DBF4: variants seen among roughly 807,000 people sequenced by gnomAD.
The protein encoded by DBF4 is protein DBF4 homolog A.
Under a neutral mutation model 76.6 loss-of-function variants are expected in DBF4, and 25 were observed. That is an observed-to-expected ratio of 0.33 (90% confidence interval 0.24 to 0.46). DBF4 has a LOEUF of 0.46. Ranked by LOEUF, DBF4 falls within the 20% of genes least tolerant of loss-of-function variation. The pLI is 1.00. For missense variants in DBF4, 638 were observed against 760.8 expected, an observed-to-expected ratio of 0.84 and a Z score of 1.90; for synonymous variants, 213 against 258.0, an observed-to-expected ratio of 0.83 and a Z score of 1.67.
rs946973581 is a variant in DBF4 at position 87,909,098 on chromosome 7, C to A, written c.*935C>A. The A allele has an allele frequency of 6.6e-6, 1 of 151,882 alleles. No homozygotes were observed. The highest frequency in any genetic ancestry group is 6.6e-5 in the Admixed American group (1 of 15,256). 9.4% of individuals were successfully genotyped at this position (151,882 alleles called of 1,614,324 possible). ...CTCAAAAAAAAAAAAGTTGACTCTA[C>A]CCCCTAATTTGGTAGGAGATGAAGG... On this transcript the variant is annotated 3_prime_UTR_variant, in exon 12 of 12. Transcript: ENST00000265728.
At chr7:87,880,365 T>C (rs1839181640) in intron 2 of DBF4, among the ~76,000 whole-genome samples, 1 of 152,236 alleles carries the variant, frequency 6.6e-6, no homozygotes, top group African/African-American at 2.4e-5. Flanking sequence ...TAGGAGCATA[T>C]TAAGGGTGTA....
At chr7:87,894,679 A>G (rs1839586987) in intron 6 of DBF4, among the ~76,000 whole-genome samples, 1 of 152,212 alleles carries the variant, frequency 6.6e-6, no homozygotes, top group Non-Finnish European at 1.5e-5. Context: ...TTTACTGGAA[A>G]AAGAATCATG....
intron 10 of DBF4, among the ~76,000 whole-genome samples, chr7:87,903,448 A>G (rs970009991): frequency 6.6e-6 from 1 of 152,182 alleles, no homozygotes; most frequent in African/African-American, 2.4e-5. Flanking sequence ...AATTGAGATC[A>G]TTTGTTTTGG....
intron 2 of DBF4, among the ~76,000 whole-genome samples, chr7:87,882,142 C>G (rs1839230921): frequency 6.6e-6 from 1 of 152,000 alleles, no homozygotes; most frequent in Admixed American, 6.6e-5. Context: ...ACATACAGAC[C>G]AATAGAGTAG....
At position 87,907,610 on chromosome 7, in the gene DBF4, A is replaced by C. The variant is rs1839942598; in HGVS notation, c.1472A>C (p.His491Pro). ...HYKCNIQASV[H>P]VSDFSTDNSG... ...AAATGTAACATACAGGCATCTGTACATGTTTCTGATTTCAGTACAGATAAT... is the reference window on the plus strand; with the variant it reads ...AAATGTAACATACAGGCATCTGTACCTGTTTCTGATTTCAGTACAGATAAT... The change falls in exon 12 of 12, where the codon CAT (histidine) becomes CCT (proline). Residue 491 changes from histidine (H) to proline (P), a missense_variant. By Grantham distance (77) the His-to-Pro change is moderately conservative. Transcript: ENST00000265728. 1.2e-6 allele frequency: 2 copies of C among 1,614,096 alleles called. No homozygotes were observed. Among genetic ancestry groups the C allele is most frequent in the Non-Finnish European group, 1.7e-6 (2 of 1,179,946 alleles).
chr7:87,879,798 C>A (rs572165620), intron 2 of DBF4, among the ~76,000 whole-genome samples: 4 of 152,120 alleles, frequency 2.6e-5, no homozygotes, highest in Non-Finnish European at 4.4e-5. Context: ...CTGAAAAATA[C>A]AAAAATTAGC....
At chr7:87,880,004 C>A in intron 2 of DBF4, among the ~76,000 whole-genome samples, 1 of 149,988 alleles carries the variant, frequency 6.7e-6, no homozygotes, top group Non-Finnish European at 1.5e-5. Flanking sequence ...AGTTTGATGA[C>A]AATTTTCTCA....
At chr7:87,896,742 T>C (rs894593470) in intron 7 of DBF4, among the ~76,000 whole-genome samples, 2 of 152,240 alleles carry the variant, frequency 1.3e-5, no homozygotes, top group African/African-American at 4.8e-5. Context: ...AAATGAATTA[T>C]ATTAAAATGT....
intron 6 of DBF4, among the ~76,000 whole-genome samples, chr7:87,890,106 A>T (rs1584360038): frequency 6.6e-6 from 1 of 152,224 alleles, no homozygotes; most frequent in Non-Finnish European, 1.5e-5. Context: ...TATCTGAAAT[A>T]AGTTTCATAG....
At chr7:87,903,976 A>G (rs1360301249) in intron 10 of DBF4, among the ~76,000 whole-genome samples, 2 of 152,130 alleles carry the variant, frequency 1.3e-5, no homozygotes, top group African/African-American at 2.4e-5. Context: ...GATTACAGGC[A>G]TGAGCCACTG....
At chr7:87,896,212 T>G (rs1839634832) in intron 6 of DBF4, 2 of 335,920 alleles carry the variant, frequency 6.0e-6, no homozygotes, top group Non-Finnish European at 1.1e-5. Context: ...AATATGACTT[T>G]TAAAAAAACA....
chr7:87,904,967 T>C (rs1839882769), intron 11 of DBF4, among the ~76,000 whole-genome samples: 1 of 152,202 alleles, frequency 6.6e-6, no homozygotes, highest in African/African-American at 2.4e-5. Flanking sequence ...TTTTGTTTTA[T>C]TTTGAGACAG....
chr7:87,887,856 T>C (rs1489462528), intron 5 of DBF4, 127 bp from the exon 6 acceptor site: 3 of 941,332 alleles, frequency 3.2e-6, no homozygotes, highest in Non-Finnish European at 4.5e-6. Flanking sequence ...GAGACAAACA[T>C]TCAGACCATA....
rs917381774 is a variant in DBF4 at position 87,896,333 on chromosome 7, G to GT, written c.598-133dup. ...TATTGTAAAACATTTAAAAACAATA[G>GT]TTTTTTTTAACAAAGAATAATCCTT... On this transcript the variant is annotated intron_variant, in intron 6 of 11. Transcript: ENST00000265728. 112 of 655,328 alleles carry GT rather than the reference G, an allele frequency of 1.7e-4. 1 individual carries two copies. The Middle Eastern group carries it at 2.2e-3, about 13-fold the overall frequency. The allele number at this position is 655,328 out of a possible 1,614,324, so 40.6% of individuals were successfully genotyped here.
At chr7:87,881,473 A>G (rs1190904551) in intron 2 of DBF4, among the ~76,000 whole-genome samples, 2 of 152,230 alleles carry the variant, frequency 1.3e-5, no homozygotes, top group Non-Finnish European at 2.9e-5. Flanking sequence ...ACCTAGCTAG[A>G]GATGACATTG....
intron 6 of DBF4, among the ~76,000 whole-genome samples, chr7:87,890,865 A>T: frequency 6.6e-6 from 1 of 152,342 alleles, no homozygotes; most frequent in Non-Finnish European, 1.5e-5. Context: ...TAAAATAAAA[A>T]TGATAATAAT....
At position 87,878,049 on chromosome 7, in the gene DBF4, A is replaced by G. The variant is rs552012123; in HGVS notation, c.47-4A>G. 1.9e-6 allele frequency: 3 copies of G among 1,586,052 alleles called. No individual in the cohort carries two copies. The highest frequency in any genetic ancestry group is 2.6e-6 in the Non-Finnish European group (3 of 1,169,004). Reference sequence around the variant, plus strand: ...AAACATCTGATTCTAAACATCTTTAATAGGTGGAATCCAAGTCAAAAATGA... The same window carrying G: ...AAACATCTGATTCTAAACATCTTTAGTAGGTGGAATCCAAGTCAAAAATGA... On this transcript the variant is annotated splice_polypyrimidine_tract_variant and splice_region_variant and intron_variant, in intron 1 of 11. Transcript: ENST00000265728.
At chr7:87,896,267 CAA>C (rs771171676) in intron 6 of DBF4, 2 of 410,238 alleles carry the variant, frequency 4.9e-6, no homozygotes, top group Non-Finnish European at 8.6e-6. Context: ...TTTATGAAGT[CAA>C]AATCAATTAT....
chr7:87,882,498 C>T (rs1343080276), intron 2 of DBF4, among the ~76,000 whole-genome samples: 1 of 152,068 alleles, frequency 6.6e-6, no homozygotes, highest in Non-Finnish European at 1.5e-5. Context: ...AACTTTTGTG[C>T]CTCAAAGGAC....
Sources: gnomAD v4.1 joint callset for allele counts (sites outside exome capture counted in the v4.1 genomes callset) on GRCh38, gnomAD v4.1.1 for gene constraint, MANE v1.5 for transcripts, NCBI Gene and HGNC (gene_info 2026-07-23, HGNC 2026-07-21) for gene names.